Variants in RALYL observed in about 807,000 individuals in gnomAD.
RALYL encodes RALY RNA binding protein like.
In RALYL, 29 loss-of-function variants were observed where a neutral mutation model predicts 35.1. That is an observed-to-expected ratio of 0.83 (90% CI 0.61 to 1.13). The LOEUF is 1.13. Ranked by LOEUF, RALYL falls within the 50% of genes most tolerant of loss-of-function variation. The pLI is 0.00. For missense variants in RALYL, 359 were observed against 360.4 expected, an observed-to-expected ratio of 1.00 and a Z score of 0.03; for synonymous variants, 120 against 127.6, an observed-to-expected ratio of 0.94 and a Z score of 0.40.
chr8:84,909,352 G>A (rs964959609), intron 8 of RALYL, among the ~76,000 whole-genome samples: 1 of 152,126 alleles, frequency 6.6e-6, no homozygotes, highest in Non-Finnish European at 1.5e-5. Flanking sequence ...AAGGATGTAA[G>A]GTCTCAACAT....
At chr8:84,492,147 T>TA (rs1376183385) in intron 1 of RALYL, among the ~76,000 whole-genome samples, 2 of 152,032 alleles carry the variant, frequency 1.3e-5, no homozygotes, top group Non-Finnish European at 2.9e-5. Context: ...GAATATAGTG[T>TA]ACAATACAGT....
chr8:84,735,803 C>A (rs1847154732), intron 2 of RALYL, among the ~76,000 whole-genome samples: 1 of 128,418 alleles, frequency 7.8e-6, no homozygotes, highest in South Asian at 2.4e-4. Flanking sequence ...TTAAGATCAT[C>A]CAAACCGCGA....
chr8:84,681,495 T>C (rs1319075544), intron 2 of RALYL, among the ~76,000 whole-genome samples: 2 of 152,216 alleles, frequency 1.3e-5, no homozygotes, highest in African/African-American at 4.8e-5. Flanking sequence ...CCCTTCCATT[T>C]GCTTGTGTCC....
chr8:84,763,468 C>T (rs1301017227), intron 2 of RALYL, among the ~76,000 whole-genome samples: 2 of 152,106 alleles, frequency 1.3e-5, no homozygotes, highest in African/African-American at 4.8e-5. Flanking sequence ...AGATTTTTCA[C>T]CATGTGATTT....
intron 4 of RALYL, among the ~76,000 whole-genome samples, chr8:84,807,524 G>T (rs549598414): frequency 6.6e-6 from 1 of 152,224 alleles, no homozygotes; most frequent in East Asian, 1.9e-4. Flanking sequence ...TCCTCTGGGT[G>T]GATACCCAGA....
intron 1 of RALYL, among the ~76,000 whole-genome samples, chr8:84,506,255 C>T (rs2057155492): frequency 6.6e-6 from 1 of 151,948 alleles, no homozygotes; most frequent in Admixed American, 6.6e-5. Context: ...TTATATTTTA[C>T]AAATAGGGTA....
At chr8:84,706,656 ACTG>A in intron 2 of RALYL, among the ~76,000 whole-genome samples, 1 of 152,268 alleles carries the variant, frequency 6.6e-6, no homozygotes, top group East Asian at 1.9e-4. Flanking sequence ...CCCTAAAGGA[ACTG>A]ATTCTGGCTG....
chr8:84,754,256 A>AT (rs1810825361), intron 2 of RALYL, among the ~76,000 whole-genome samples: 1 of 129,678 alleles, frequency 7.7e-6, no homozygotes. Flanking sequence ...TATAATAATA[A>AT]AAAAAAAAAA....
At chr8:84,321,974 A>C (rs1324561782) in intron 1 of RALYL, among the ~76,000 whole-genome samples, 1 of 152,100 alleles carries the variant, frequency 6.6e-6, no homozygotes, top group African/African-American at 2.4e-5. Context: ...AAGAAGACCC[A>C]AAAACCCTAA....
intron 2 of RALYL, among the ~76,000 whole-genome samples, chr8:84,717,939 T>C (rs994013381): frequency 6.6e-6 from 1 of 152,152 alleles, no homozygotes; most frequent in South Asian, 2.1e-4. Flanking sequence ...CATATTTATG[T>C]GGTAATAAAA....
intron 1 of RALYL, among the ~76,000 whole-genome samples, chr8:84,295,690 C>T (rs1839626263): frequency 6.6e-6 from 1 of 152,004 alleles, no homozygotes; most frequent in African/African-American, 2.4e-5. Context: ...TTCTTTCTTC[C>T]CCTTAGATAA....
chr8:84,760,098 A>T (rs371625041), intron 2 of RALYL, among the ~76,000 whole-genome samples: 1 of 152,132 alleles, frequency 6.6e-6, no homozygotes, highest in African/African-American at 2.4e-5. Flanking sequence ...TTATCCATGT[A>T]CCCTTAGATA....
chr8:84,565,864 C>T (rs944153382), intron 2 of RALYL, among the ~76,000 whole-genome samples: 3 of 151,458 alleles, frequency 2.0e-5, no homozygotes, highest in African/African-American at 7.3e-5. Context: ...TACCACCTAC[C>T]TTGGGGGATT....
chr8:84,661,556 G>A (rs1426323247), intron 2 of RALYL, among the ~76,000 whole-genome samples: 1 of 148,844 alleles, frequency 6.7e-6, no homozygotes, highest in Non-Finnish European at 1.5e-5. Context: ...TTTGATATAG[G>A]CATGGCTTTA....
chr8:84,917,999 A>G (rs1157423400), intron 8 of RALYL, among the ~76,000 whole-genome samples: 2 of 152,096 alleles, frequency 1.3e-5, no homozygotes, highest in African/African-American at 4.8e-5. Flanking sequence ...CTCAAGAAAC[A>G]TGATCCATAG....
chr8:84,406,904 T>C (rs2043554457), intron 1 of RALYL, among the ~76,000 whole-genome samples: 1 of 152,048 alleles, frequency 6.6e-6, no homozygotes, highest in African/African-American at 2.4e-5. Flanking sequence ...GGCAGAATAA[T>C]TTTAATGGAC....
At chr8:84,641,222 A>G (rs994889385) in intron 2 of RALYL, among the ~76,000 whole-genome samples, 1 of 151,524 alleles carries the variant, frequency 6.6e-6, no homozygotes, top group Non-Finnish European at 1.5e-5. Context: ...CCTTTTTTAA[A>G]TAAGTAACTT....
intron 1 of RALYL, among the ~76,000 whole-genome samples, chr8:84,208,269 A>G (rs1028872220): frequency 2.0e-5 from 3 of 152,136 alleles, no homozygotes; most frequent in African/African-American, 7.2e-5. Context: ...AGTGTTTGAA[A>G]TTTTTTAATT....
chr8:84,212,261 T>C lies in RALYL; in HGVS notation c.-24+27837T>C, dbSNP rs1193550432. On this transcript the variant is annotated intron_variant, in intron 1 of 8. Coordinates refer to ENST00000521268, the MANE Select transcript of RALYL (RefSeq NM_173848.7). ...TTTTGACAAATAAATGGAAATTCCA[T>C]TTATTTTACACTGTATATTTTTAAC... is the stretch of plus-strand genomic sequence containing the variant. 2.0e-5 allele frequency among the ~76,000 whole-genome samples: 3 copies of C among 152,148 alleles called. No homozygotes were observed. In the East Asian group the frequency reaches 5.8e-4, roughly 29 times the overall value.
Sources: gnomAD v4.1 joint callset for allele counts (sites outside exome capture counted in the v4.1 genomes callset) on GRCh38, gnomAD v4.1.1 for gene constraint, MANE v1.5 for transcripts, NCBI Gene and HGNC (gene_info 2026-07-23, HGNC 2026-07-21) for gene names.